PPIL4: variants seen among roughly 807,000 people sequenced by gnomAD.
PPIL4 encodes peptidylprolyl isomerase like 4.
In PPIL4, 50 loss-of-function variants were observed where a neutral mutation model predicts 69.1. The ratio of observed to expected loss-of-function variants is 0.72; its 90% CI spans 0.58 to 0.92. PPIL4 has a LOEUF of 0.92. Ranked by LOEUF, PPIL4 falls within the 40% of genes least tolerant of loss-of-function variation. The pLI, the probability that PPIL4 is intolerant of heterozygous loss-of-function variation, is 0.00. For missense variants in PPIL4, 480 were observed against 587.9 expected, an observed-to-expected ratio of 0.82 and a Z score of 1.90; for synonymous variants, 193 against 191.6, an observed-to-expected ratio of 1.01 and a Z score of -0.06.
chr6:149,541,186 T>C (rs943135784), intron 3 of PPIL4, 127 bp from the exon 4 acceptor site: 11 of 590,620 alleles, frequency 1.9e-5, no homozygotes, highest in African/African-American at 3.8e-5. Flanking sequence ...ATTACTTTTT[T>C]TTTTTTAGGG....
At chr6:149,508,958 T>A (rs1776803492) in intron 12 of PPIL4, among the ~76,000 whole-genome samples, 1 of 152,004 alleles carries the variant, frequency 6.6e-6, no homozygotes. Flanking sequence ...GTACTGAAAA[T>A]TCTCTTTAAT....
At position 149,505,426 on chromosome 6, in the gene PPIL4, A is replaced by G; in HGVS notation, c.*27T>C. On this transcript the variant is annotated 3_prime_UTR_variant, in exon 13 of 13. Transcript: ENST00000253329. Reference sequence around the variant, plus strand: ...TAAGTTAGACAAGAGTAAATATGTTAGCCTCTCAATTCTGCCTCTTCATCT... The same window carrying G: ...TAAGTTAGACAAGAGTAAATATGTTGGCCTCTCAATTCTGCCTCTTCATCT... 1 of 1,595,360 alleles carries G rather than the reference A, an allele frequency of 6.3e-7. No homozygotes were observed. Among genetic ancestry groups the G allele is most frequent in the Non-Finnish European group, 8.5e-7 (1 of 1,172,052 alleles).
At chr6:149,511,685 G>A (rs1348511616) in intron 12 of PPIL4, among the ~76,000 whole-genome samples, 1 of 152,076 alleles carries the variant, frequency 6.6e-6, no homozygotes, top group African/African-American at 2.4e-5. Flanking sequence ...TAAATGTGCT[G>A]TTCAGGAGAG....
intron 12 of PPIL4, among the ~76,000 whole-genome samples, chr6:149,510,209 T>C (rs1320201911): frequency 1.3e-5 from 2 of 152,210 alleles, no homozygotes; most frequent in Non-Finnish European, 1.5e-5. Context: ...TCTGCTGGAT[T>C]ATAGCAAAGA....
chr6:149,536,433 T>C (rs781652254), intron 4 of PPIL4, among the ~76,000 whole-genome samples: 1 of 152,256 alleles, frequency 6.6e-6, no homozygotes, highest in Non-Finnish European at 1.5e-5. Flanking sequence ...TACCAAACAA[T>C]AGCTGAGTTG....
At position 149,541,013 on chromosome 6, in the gene PPIL4, G is replaced by C. The variant is rs757056273; in HGVS notation, c.250C>G (p.Pro84Ala). Residue 84 changes from proline (P) to alanine (A), a missense_variant, in exon 4 of 13, where the codon CCA becomes GCA. Physicochemically the swap from Pro to Ala is conservative, Grantham distance 27. Coordinates refer to ENST00000253329, the MANE Select transcript of PPIL4 (RefSeq NM_139126.4). The stretch of plus-strand genomic sequence containing the variant: ...CCTTTCTTCTTGTGCTTAATTCTTG[G>C]GACTTTTTCTGCCTCAAAAAAGCTT... Reference protein sequence around the residue: ...QASFFEAEKVPRIKHKKKGTV... With the variant: ...QASFFEAEKVARIKHKKKGTV... 2 of 1,612,054 alleles carry C rather than the reference G, an allele frequency of 1.2e-6. No homozygotes were observed. Among genetic ancestry groups the C allele is most frequent in the Admixed American group, 3.3e-5 (2 of 59,978 alleles).
At chr6:149,511,206 CA>C (rs1258996915) in intron 12 of PPIL4, among the ~76,000 whole-genome samples, 2 of 149,338 alleles carry the variant, frequency 1.3e-5, no homozygotes, top group African/African-American at 4.9e-5. Flanking sequence ...TGTGGTAAAA[CA>C]AAAGCAAGGA....
At chr6:149,511,430 C>T (rs1009150692) in intron 12 of PPIL4, among the ~76,000 whole-genome samples, 2 of 151,016 alleles carry the variant, frequency 1.3e-5, no homozygotes, top group South Asian at 4.2e-4. Context: ...TACTTTTTGT[C>T]AAGGTGTGTG....
At chr6:149,540,326 C>T (rs184274167) in intron 4 of PPIL4, among the ~76,000 whole-genome samples, 1 of 151,700 alleles carries the variant, frequency 6.6e-6, no homozygotes, top group East Asian at 2.0e-4. Context: ...GTAAGAAATA[C>T]TGAAAAACGG....
chr6:149,545,390 G>GAA (rs1739260240), intron 1 of PPIL4, among the ~76,000 whole-genome samples: 1 of 152,058 alleles, frequency 6.6e-6, no homozygotes, highest in Admixed American at 6.6e-5. Context: ...TCCCCCAGTG[G>GAA]AAAAATCAGA....
intron 1 of PPIL4, among the ~76,000 whole-genome samples, chr6:149,543,577 T>G (rs1777395032): frequency 6.6e-6 from 1 of 152,180 alleles, no homozygotes; most frequent in Non-Finnish European, 1.5e-5. Context: ...TGTGGTTCTG[T>G]TTTTTTATTC....
chr6:149,508,715 G>A (rs756886745), intron 12 of PPIL4, among the ~76,000 whole-genome samples: 4 of 152,074 alleles, frequency 2.6e-5, no homozygotes, highest in Non-Finnish European at 5.9e-5. Flanking sequence ...AGCTGAATAC[G>A]CATTTCCTGT....
In PPIL4 at chr6:149,536,738, C is replaced by CAA. The variant is rs750303522; in HGVS notation, c.322-1002_322-1001dup. 4.2e-3 allele frequency among the ~76,000 whole-genome samples: 426 copies of CAA among 102,258 alleles called. 1 individual carries two copies. The highest frequency in any genetic ancestry group is 0.012 in the African/African-American group (347 of 28,472). 67.1% of individuals were successfully genotyped at this position (102,258 alleles called of 152,430 possible). ...CCAGGCGCAGTGAATTACTCCATCT[C>CAA]AAAAAAAAAAAAAAAAGAAAAGAAA... On this transcript the variant is annotated intron_variant, in intron 4 of 12. Transcript: ENST00000253329.
At chr6:149,537,703 C>T (rs1183593487) in intron 4 of PPIL4, among the ~76,000 whole-genome samples, 1 of 147,680 alleles carries the variant, frequency 6.8e-6, no homozygotes, top group Non-Finnish European at 1.5e-5. Context: ...AAGACTCCAT[C>T]TCAAAAAAAA....
intron 7 of PPIL4, among the ~76,000 whole-genome samples, chr6:149,532,243 A>G (rs1460270056): frequency 1.3e-5 from 2 of 152,242 alleles, no homozygotes; most frequent in African/African-American, 4.8e-5. Flanking sequence ...AAAGGTATAT[A>G]GAAGTTCTAT....
chr6:149,508,280 A>T (rs1776795440), intron 12 of PPIL4, among the ~76,000 whole-genome samples: 1 of 152,208 alleles, frequency 6.6e-6, no homozygotes, highest in African/African-American at 2.4e-5. Flanking sequence ...TAAAGGCCTA[A>T]GGGCCTGTGG....
rs186830079 is a variant in PPIL4 at position 149,509,227 on chromosome 6, A to G, written c.1227+2928T>C. 2.5e-4 allele frequency among the ~76,000 whole-genome samples: 38 copies of G among 152,332 alleles called. No homozygotes were observed. In the East Asian group the frequency reaches 7.1e-3, roughly 29 times the overall value. ...CCTTAAAATCTTTTTAAAAATACTA[A>G]TAGCATTCCCCCAAAATCTTGATGC... On this transcript the variant is annotated intron_variant, in intron 12 of 12. Coordinates refer to ENST00000253329, the MANE Select transcript of PPIL4 (RefSeq NM_139126.4).
chr6:149,525,138 C>A lies in PPIL4; in HGVS notation c.870+5G>T. On this transcript the variant is annotated splice_donor_5th_base_variant and intron_variant, in intron 9 of 12. Coordinates refer to ENST00000253329, the MANE Select transcript of PPIL4 (RefSeq NM_139126.4). ...TACCAAACTTATGTCTGTATTATGA[C>A]ATACCTTTTCAAATTCAATAAAAGC... is the stretch of plus-strand genomic sequence containing the variant. The A allele has an allele frequency of 6.9e-7, 1 of 1,454,664 alleles. No homozygotes were observed. Among genetic ancestry groups the A allele is most frequent in the South Asian group, 1.2e-5 (1 of 83,022 alleles). 90.1% of individuals were successfully genotyped at this position (1,454,664 alleles called of 1,614,324 possible). A position where few individuals can be genotyped will look rare whatever the true frequency, so the allele number is the denominator to read the frequency against.
Position 149,542,956 on chromosome 6 carries a change from G to GT in PPIL4, c.71-1371dup, listed in dbSNP as rs201534557. Reference sequence around the variant, plus strand: ...AAGAGTGCTGAATATCAGTCTTGCAGTTGTTTTTCTTGAATATATTTCTGG... The same window carrying GT: ...AAGAGTGCTGAATATCAGTCTTGCAGTTTGTTTTTCTTGAATATATTTCTGG... On this transcript the variant is annotated intron_variant, in intron 1 of 12. Coordinates refer to ENST00000253329, the MANE Select transcript of PPIL4 (RefSeq NM_139126.4). Among the ~76,000 whole-genome samples the GT allele has an allele frequency of 5.7e-3, 864 of 152,292 alleles. 8 individuals carry two copies. Among genetic ancestry groups the GT allele is most frequent in the African/African-American group, 0.02 (827 of 41,538 alleles).
Sources: gnomAD v4.1 joint callset for allele counts (sites outside exome capture counted in the v4.1 genomes callset) on GRCh38, gnomAD v4.1.1 for gene constraint, MANE v1.5 for transcripts, NCBI Gene and HGNC (gene_info 2026-07-23, HGNC 2026-07-21) for gene names.